ARHGAP12: variants seen among roughly 807,000 people sequenced by gnomAD.
ARHGAP12 encodes the protein Rho GTPase activating protein 12, also known as rho GTPase-activating protein 12.
A neutral mutation model predicts 108.6 loss-of-function variants in ARHGAP12; 64 were observed. The observed-to-expected ratio is 0.59, with a 90% confidence interval of 0.48 to 0.73. ARHGAP12 has a LOEUF of 0.73. Among genes scored for constraint, ARHGAP12 ranks in the 30% least tolerant of loss-of-function variants. The pLI is 0.00. For missense variants in ARHGAP12, 940 were observed against 1,005.9 expected (o/e 0.93, Z 0.89); for synonymous variants, 312 against 337.2 (o/e 0.93, Z 0.82).
chr10:31,874,255 T>C (rs1837643727), intron 3 of ARHGAP12, among the ~76,000 whole-genome samples: 1 of 152,232 alleles, frequency 6.6e-6, no homozygotes, highest in African/African-American at 2.4e-5. Context: ...CTGTCTCTCA[T>C]CTTCTGATAA....
At chr10:31,880,706 A>G (rs2799027) in intron 3 of ARHGAP12, among the ~76,000 whole-genome samples, 116,697 of 151,878 alleles carry the variant, frequency 0.77, 45,786 homozygotes, top group African/African-American at 0.93. Context: ...CAATCAGGTC[A>G]ACAATTGTAT....
chr10:31,877,635 A>G (rs548321992), intron 3 of ARHGAP12, among the ~76,000 whole-genome samples: 1 of 152,372 alleles, frequency 6.6e-6, no homozygotes, highest in African/African-American at 2.4e-5. Flanking sequence ...ATCGTTTTCT[A>G]CAAAACAAGG....
chr10:31,904,790 C>T (rs1473711881), intron 3 of ARHGAP12, among the ~76,000 whole-genome samples: 4 of 152,016 alleles, frequency 2.6e-5, no homozygotes, highest in African/African-American at 9.7e-5. Flanking sequence ...CTACACCCAT[C>T]TAATTTTTGT....
intron 3 of ARHGAP12, among the ~76,000 whole-genome samples, chr10:31,891,427 G>C (rs1054571281): frequency 2.6e-5 from 4 of 152,212 alleles, no homozygotes; most frequent in Non-Finnish European, 5.9e-5. Flanking sequence ...CTTCTGGCTT[G>C]CAGAGTTTCT....
At chr10:31,862,550 A>C (rs72771490) in intron 3 of ARHGAP12, among the ~76,000 whole-genome samples, 13,819 of 152,218 alleles carry the variant, frequency 0.091, 763 homozygotes, top group Middle Eastern at 0.13. Flanking sequence ...ATTTCTGTAT[A>C]TATTTTCCTT....
intron 6 of ARHGAP12, among the ~76,000 whole-genome samples, chr10:31,849,058 A>C (rs1019922498): frequency 1.4e-5 from 2 of 138,322 alleles, no homozygotes; most frequent in African/African-American, 2.6e-5. Context: ...ACTCGTCTTT[A>C]AAAAAAAAAA....
chr10:31,813,190 A>G (rs1835082140), intron 14 of ARHGAP12, among the ~76,000 whole-genome samples: 2 of 152,146 alleles, frequency 1.3e-5, no homozygotes, highest in Admixed American at 1.3e-4. Flanking sequence ...ATGACCACCA[A>G]AAAGTAAAAA....
intron 4 of ARHGAP12, among the ~76,000 whole-genome samples, chr10:31,859,241 C>T (rs1837015080): frequency 6.6e-6 from 1 of 152,164 alleles, no homozygotes; most frequent in Non-Finnish European, 1.5e-5. Context: ...ACACAGACAG[C>T]CCTTACCGTG....
intron 1 of ARHGAP12, among the ~76,000 whole-genome samples, chr10:31,920,704 A>G (rs974189030): frequency 4.6e-5 from 7 of 152,202 alleles, no homozygotes; most frequent in African/African-American, 1.7e-4. Flanking sequence ...AGACAATAAC[A>G]GTGCTGGCAA....
At chr10:31,852,480 T>C in intron 6 of ARHGAP12, 37 bp downstream of exon 6, 1 of 1,450,164 alleles carries the variant, frequency 6.9e-7, no homozygotes. Context: ...CTTCATCTAC[T>C]ATTTTTAAAT....
intron 9 of ARHGAP12, among the ~76,000 whole-genome samples, chr10:31,833,738 T>A (rs926967244): frequency 8.5e-5 from 13 of 152,164 alleles, no homozygotes; most frequent in African/African-American, 2.4e-4. Flanking sequence ...GACAGCCTCC[T>A]GGGGAACTTG....
intron 2 of ARHGAP12, among the ~76,000 whole-genome samples, chr10:31,910,200 C>T (rs1191068059): frequency 6.6e-6 from 1 of 152,108 alleles, no homozygotes; most frequent in Non-Finnish European, 1.5e-5. Flanking sequence ...GTCACAGCAG[C>T]CCTAGGAAAC....
intron 11 of ARHGAP12, among the ~76,000 whole-genome samples, chr10:31,824,640 G>C (rs1835538436): frequency 6.6e-6 from 1 of 152,044 alleles, no homozygotes; most frequent in Non-Finnish European, 1.5e-5. Context: ...TTATGTACTG[G>C]AAGGTACTCA....
chr10:31,911,765 A>G (rs1839360061), intron 1 of ARHGAP12, among the ~76,000 whole-genome samples: 1 of 152,226 alleles, frequency 6.6e-6, no homozygotes, highest in Non-Finnish European at 1.5e-5. Context: ...CACCTACGTT[A>G]TATTCTTGTC....
intron 4 of ARHGAP12, among the ~76,000 whole-genome samples, chr10:31,859,168 A>G (rs1837012212): frequency 1.3e-5 from 2 of 152,196 alleles, no homozygotes; most frequent in Admixed American, 1.3e-4. Context: ...CAATAGGAAC[A>G]TGGGTACCAA....
intron 16 of ARHGAP12, among the ~76,000 whole-genome samples, chr10:31,810,003 G>A (rs12243796): frequency 0.05 from 7,679 of 152,178 alleles, 647 homozygotes; most frequent in African/African-American, 0.17. Flanking sequence ...AGAAGAGTCA[G>A]TGGGACAAGA....
intron 3 of ARHGAP12, among the ~76,000 whole-genome samples, chr10:31,862,709 C>G (rs553300936): frequency 8.1e-4 from 33 of 40,502 alleles, no homozygotes; most frequent in African/African-American, 4.5e-3. Context: ...CACACAGACA[C>G]ACACACACAC....
At chr10:31,900,459 A>G (rs990289188) in intron 3 of ARHGAP12, among the ~76,000 whole-genome samples, 1 of 152,224 alleles carries the variant, frequency 6.6e-6, no homozygotes, top group Admixed American at 6.5e-5. Flanking sequence ...CCAAGACATC[A>G]TTCAATAGAT....
At chr10:31,810,490 G>A (rs966105447) in intron 16 of ARHGAP12, among the ~76,000 whole-genome samples, 159 bp downstream of exon 16, 9 of 152,072 alleles carry the variant, frequency 5.9e-5, no homozygotes, top group African/African-American at 2.2e-4. Flanking sequence ...GTGTAAACAT[G>A]TAAGTATTTG....
Sources: allele counts gnomAD v4.1 joint callset (sites outside exome capture counted in the v4.1 genomes callset), GRCh38; gene constraint gnomAD v4.1.1; transcripts MANE v1.5; gene names NCBI Gene and HGNC (gene_info 2026-07-23, HGNC 2026-07-21).